Variants in MVB12A observed in about 807,000 individuals in gnomAD.
The protein encoded by MVB12A is multivesicular body subunit 12A.
Under a neutral mutation model 34.3 loss-of-function variants are expected in MVB12A, and 30 were observed. That is an observed-to-expected ratio of 0.88 (90% CI 0.65 to 1.19). The LOEUF (loss-of-function observed/expected upper bound fraction) is 1.19, where lower values mean the gene tolerates loss of function less well. MVB12A is among the 50% of genes most tolerant of loss of function. The probability of loss-of-function intolerance (pLI) is 0.00; values close to 1 mark genes in which losing one functional copy is unlikely to be tolerated. For synonymous variants in MVB12A, 158 were observed against 158.9 expected (o/e 0.99, Z 0.04); for missense variants, 355 against 369.2 (o/e 0.96, Z 0.31).
chr19:17,413,360 T>C (rs2074780629), intron 2 of MVB12A: 2 of 151,992 alleles, frequency 1.3e-5, no homozygotes, highest in South Asian at 4.1e-4. Flanking sequence ...TAGCTGGACA[T>C]GGTGGCTGCG....
intron 2 of MVB12A, chr19:17,413,028 C>T (rs1265957518): frequency 2.0e-5 from 3 of 150,590 alleles, no homozygotes; most frequent in South Asian, 2.1e-4. Flanking sequence ...AAAGAATTTA[C>T]GTATGAACAA....
intron 7 of MVB12A, 47 bp from the exon 8 acceptor site, chr19:17,424,574 T>C: frequency 6.3e-7 from 1 of 1,591,402 alleles, no homozygotes; most frequent in Non-Finnish European, 8.6e-7. Flanking sequence ...GGAAAGGGGG[T>C]TTCAGGTTGA....
chr19:17,417,689 G>A (rs1384681936), upstream of MVB12A: 1 of 156,080 alleles, frequency 6.4e-6, no homozygotes, highest in Non-Finnish European at 1.5e-5. Flanking sequence ...TCCAGACGGT[G>A]GCCTTTTGGG....
intron 2 of MVB12A, among the ~76,000 whole-genome samples, chr19:17,411,343 C>T (rs948527494): frequency 2.6e-5 from 4 of 151,808 alleles, no homozygotes; most frequent in African/African-American, 9.7e-5. Flanking sequence ...ATTCCCTACA[C>T]CCAATTTCCC....
upstream of MVB12A, chr19:17,418,716 T>G (rs2886110): frequency 0.62 from 94,090 of 151,392 alleles, 32,523 homozygotes; most frequent in Non-Finnish European, 0.8. Context: ...TAGTAAATAC[T>G]TTTTTTCCCT....
rs748576877 is a variant in MVB12A at position 17,425,008 on chromosome 19, G to A, written c.*15G>A. 7.1e-6 allele frequency: 11 copies of A among 1,559,972 alleles called. No homozygotes were observed. Among genetic ancestry groups the A allele is most frequent in the South Asian group, 2.3e-5 (2 of 86,502 alleles). The stretch of plus-strand genomic sequence containing the variant: ...GCGTCTCATAGTCCCTCACCCTTCC[G>A]CGGAAAGAGCCCCCTTACTCCACCT... On this transcript the variant is annotated 3_prime_UTR_variant, in exon 9 of 9. Transcript: ENST00000317040.
chr19:17,420,511 C>G (rs761023925), intron 2 of MVB12A, 27 bp from the exon 3 acceptor site: 1 of 1,592,370 alleles, frequency 6.3e-7, no homozygotes, highest in South Asian at 1.1e-5. Flanking sequence ...GCTAGCCACC[C>G]TCGCCGTGTC....
intron 4 of MVB12A, among the ~76,000 whole-genome samples, chr19:17,423,121 G>C (rs1290736603): frequency 6.6e-6 from 1 of 150,990 alleles, no homozygotes; most frequent in African/African-American, 2.4e-5. Flanking sequence ...GGAAGGCCAA[G>C]GCGGGCGGAT....
intron 3 of MVB12A, 69 bp downstream of exon 3, chr19:17,420,703 C>A: frequency 8.8e-7 from 1 of 1,140,368 alleles, no homozygotes; most frequent in South Asian, 1.3e-5. Flanking sequence ...GGAGGGACGA[C>A]GGGCGCGCGG....
intron 3 of MVB12A, chr19:17,420,846 A>G: frequency 4.6e-6 from 3 of 653,966 alleles, no homozygotes; most frequent in East Asian, 2.7e-5. Flanking sequence ...CACAGCCTGC[A>G]TCCTCGAGTT....
upstream of MVB12A, among the ~76,000 whole-genome samples, chr19:17,416,322 G>C (rs569909374): frequency 6.6e-6 from 1 of 151,270 alleles, no homozygotes; most frequent in East Asian, 2.0e-4. Flanking sequence ...ATGTTGGTCA[G>C]ACTGGTCTCG....
At chr19:17,424,768 C>A (rs2074860032) in intron 8 of MVB12A, 91 bp downstream of exon 8, 1 of 1,484,726 alleles carries the variant, frequency 6.7e-7, no homozygotes, top group African/African-American at 1.4e-5. Flanking sequence ...CCCAGGCTGT[C>A]CCAGTTTTCC....
chr19:17,411,333 A>G (rs915562399), intron 2 of MVB12A, among the ~76,000 whole-genome samples: 2 of 151,954 alleles, frequency 1.3e-5, no homozygotes, highest in African/African-American at 4.8e-5. Context: ...AATTTCCCAC[A>G]TTCCCTACAC....
At chr19:17,413,021 G>A (rs1227436055) in intron 2 of MVB12A, 1 of 151,892 alleles carries the variant, frequency 6.6e-6, no homozygotes, top group Non-Finnish European at 1.5e-5. Flanking sequence ...AGTAAGCAAA[G>A]AATTTACGTA....
intron 2 of MVB12A, among the ~76,000 whole-genome samples, chr19:17,408,639 G>A (rs1286295429): frequency 6.7e-6 from 1 of 150,336 alleles, no homozygotes; most frequent in Non-Finnish European, 1.5e-5. Context: ...TAGAGACAGG[G>A]TTTTGCCATG....
Position 17,420,431 on chromosome 19 carries a change from G to A in MVB12A, c.189+20G>A. 1 of 1,611,612 alleles carries A rather than the reference G, an allele frequency of 6.2e-7. No homozygotes were observed. The highest frequency in any genetic ancestry group is 8.5e-7 in the Non-Finnish European group (1 of 1,177,852). On this transcript the variant is annotated intron_variant, in intron 2 of 8. Transcript: ENST00000317040. ...CTAGAGGTAAGAGGTGCCCACCTTC[G>A]GAACCACCAGGGTCTGCCCACCTCC...
chr19:17,424,674 G>A lies in MVB12A; in HGVS notation c.756G>A (p.Glu252=). The change falls in exon 8 of 9, where the codon GAG becomes GAA. Residue 252 remains glutamate (E), a synonymous_variant. Transcript: ENST00000317040. ...LTIKSLADIE[E]EYNYGFVVEK... ...TCAAGTCTCTGGCGGACATTGAGGAGGAGGTGGGTGCAGGGCTAGGGAGGA... is the reference window on the plus strand; with the variant it reads ...TCAAGTCTCTGGCGGACATTGAGGAAGAGGTGGGTGCAGGGCTAGGGAGGA... The A allele has an allele frequency of 6.2e-7, 1 of 1,609,662 alleles. No individual in the cohort carries two copies. The highest frequency in any genetic ancestry group is 8.5e-7 in the Non-Finnish European group (1 of 1,177,370).
At chr19:17,408,320 T>G (rs186723722) in intron 2 of MVB12A, among the ~76,000 whole-genome samples, 1 of 151,764 alleles carries the variant, frequency 6.6e-6, no homozygotes, top group Non-Finnish European at 1.5e-5. Context: ...ATGGGAAGAT[T>G]GCTTGAGGCC....
chr19:17,423,112 G>T (rs552036522), intron 4 of MVB12A: 10 of 159,894 alleles, frequency 6.3e-5, no homozygotes, highest in Admixed American at 5.6e-4. Flanking sequence ...CAGCACTTTG[G>T]AAGGCCAAGG....
Sources: allele counts gnomAD v4.1 joint callset (sites outside exome capture counted in the v4.1 genomes callset), GRCh38; gene constraint gnomAD v4.1.1; transcripts MANE v1.5; gene names NCBI Gene and HGNC (gene_info 2026-07-23, HGNC 2026-07-21).